Variants in PHACTR3 observed in about 807,000 individuals in gnomAD.
PHACTR3 encodes phosphatase and actin regulator 3.
PHACTR3 carries 16 observed loss-of-function variants against 66.8 expected under a neutral mutation model. The ratio of observed to expected loss-of-function variants is 0.24; its 90% confidence interval spans 0.16 to 0.36. The LOEUF (loss-of-function observed/expected upper bound fraction) is 0.36. PHACTR3 is among the 10% of genes least tolerant of loss of function. PHACTR3 has a pLI of 1.00. For synonymous variants in PHACTR3, 323 were observed against 292.1 expected (o/e 1.11, Z -1.08); for missense variants, 647 against 719.9 (o/e 0.90, Z 1.16).
At chr20:59,693,161 G>T (rs549897762) in intron 1 of PHACTR3, among the ~76,000 whole-genome samples, 1 of 152,250 alleles carries the variant, frequency 6.6e-6, no homozygotes, top group East Asian at 1.9e-4. Context: ...CTGGCTCAGG[G>T]TTGTGTGATA....
chr20:59,815,501 T>C (rs1419274636), intron 8 of PHACTR3, among the ~76,000 whole-genome samples: 4 of 147,370 alleles, frequency 2.7e-5, no homozygotes, highest in African/African-American at 1.0e-4. Flanking sequence ...CTCGGCTCAC[T>C]GTAACCTCTG....
At chr20:59,663,914 C>T (rs955921296) in intron 1 of PHACTR3, among the ~76,000 whole-genome samples, 10 of 152,158 alleles carry the variant, frequency 6.6e-5, no homozygotes, top group Admixed American at 1.3e-4. Context: ...TTATGTATAA[C>T]GATTATATTG....
At chr20:59,723,058 T>C (rs866793677) in intron 1 of PHACTR3, among the ~76,000 whole-genome samples, 8 of 124,988 alleles carry the variant, frequency 6.4e-5, no homozygotes, top group Middle Eastern at 4.3e-3. Context: ...CTTTCTTTCT[T>C]TCTCTTTCTT....
At chr20:59,674,439 T>C (rs1406826762) in intron 1 of PHACTR3, among the ~76,000 whole-genome samples, 9 of 141,368 alleles carry the variant, frequency 6.4e-5, no homozygotes, top group African/African-American at 2.1e-4. Context: ...CCCCTTCTCC[T>C]GTTCCTTCCC....
Position 59,773,460 on chromosome 20 carries a change from C to A in PHACTR3, c.926+7C>A. The A allele has an allele frequency of 4.4e-6, 7 of 1,599,382 alleles. No homozygotes were observed. Among genetic ancestry groups the A allele is most frequent in the Non-Finnish European group, 6.0e-6 (7 of 1,173,974 alleles). ...CGAAGCACCGCCAGGACAGGTGAGG[C>A]CCTGCCCCATGAGGGAGACCTGTGC... On this transcript the variant is annotated splice_region_variant and intron_variant, in intron 6 of 12. Coordinates refer to ENST00000371015, the MANE Select transcript of PHACTR3 (RefSeq NM_080672.5).
intron 8 of PHACTR3, among the ~76,000 whole-genome samples, chr20:59,814,805 A>C (rs1190545394): frequency 6.6e-6 from 1 of 152,092 alleles, no homozygotes; most frequent in Non-Finnish European, 1.5e-5. Flanking sequence ...TTAAAAGCAC[A>C]ATCTGAAGAC....
At chr20:59,816,134 G>A (rs1305035511) in intron 8 of PHACTR3, among the ~76,000 whole-genome samples, 1 of 152,036 alleles carries the variant, frequency 6.6e-6, no homozygotes, top group Non-Finnish European at 1.5e-5. Flanking sequence ...CCCATCTGGA[G>A]GTGATGGGAA....
chr20:59,786,168 C>T (rs1228580426), intron 7 of PHACTR3, among the ~76,000 whole-genome samples: 1 of 152,236 alleles, frequency 6.6e-6, no homozygotes, highest in Non-Finnish European at 1.5e-5. Flanking sequence ...CTGCTCATTC[C>T]CCAGCTTCTG....
chr20:59,738,726 A>T lies in PHACTR3; in HGVS notation c.119-4381A>T, dbSNP rs534612607. On this transcript the variant is annotated intron_variant, in intron 1 of 12. Transcript: ENST00000371015. The surrounding 1 kb of genome is among the most constrained non-coding windows in gnomAD (Gnocchi z 4.4). The stretch of plus-strand genomic sequence containing the variant: ...CCAGATCCTTCCTGACACTCCCTTC[A>T]TCCTTCAGCTGTGTATGTGTGTTTC... Among the ~76,000 whole-genome samples, 3 of 152,180 alleles carry T rather than the reference A, an allele frequency of 2.0e-5. No homozygotes were observed. Among genetic ancestry groups the T allele is most frequent in the Admixed American group, 6.5e-5 (1 of 15,298 alleles).
At chr20:59,800,550 T>C (rs904601979) in intron 7 of PHACTR3, among the ~76,000 whole-genome samples, 1 of 152,212 alleles carries the variant, frequency 6.6e-6, no homozygotes, top group Non-Finnish European at 1.5e-5. Context: ...CTCTATACAG[T>C]GAATACAGAT....
At chr20:59,717,286 T>C (rs2038126726) in intron 1 of PHACTR3, among the ~76,000 whole-genome samples, 1 of 152,232 alleles carries the variant, frequency 6.6e-6, no homozygotes, top group Non-Finnish European at 1.5e-5. Context: ...GAAGTTTTTA[T>C]TGAGATAATT....
chr20:59,710,811 T>C lies in PHACTR3; in HGVS notation c.119-32296T>C, dbSNP rs555378623. The stretch of plus-strand genomic sequence containing the variant: ...GATGTTCCTGCATCATACCTTCCTT[T>C]ATGGGAATGTTCTTTGCCACCTGTC... On this transcript the variant is annotated intron_variant, in intron 1 of 12. Coordinates refer to ENST00000371015, the MANE Select transcript of PHACTR3 (RefSeq NM_080672.5). Among the ~76,000 whole-genome samples, 15 of 152,112 alleles carry C rather than the reference T, an allele frequency of 9.9e-5. No individual in the cohort carries two copies. The South Asian group carries it at 3.1e-3, about 32-fold the overall frequency.
At chr20:59,783,559 T>G (rs1568818049) in intron 7 of PHACTR3, among the ~76,000 whole-genome samples, 2 of 152,196 alleles carry the variant, frequency 1.3e-5, no homozygotes, top group African/African-American at 4.8e-5. Context: ...TTACCGCTTT[T>G]TTTGTTTGTT....
intron 2 of PHACTR3, among the ~76,000 whole-genome samples, chr20:59,745,445 C>T (rs970933598): frequency 2.6e-5 from 4 of 152,010 alleles, no homozygotes; most frequent in South Asian, 2.1e-4. Flanking sequence ...TTGGAGGTCT[C>T]GAGGTTTTTA....
At chr20:59,645,018 G>A (rs1234422527) in intron 1 of PHACTR3, among the ~76,000 whole-genome samples, 3 of 151,804 alleles carry the variant, frequency 2.0e-5, no homozygotes, top group African/African-American at 7.3e-5. Flanking sequence ...CCCCTCCTTC[G>A]CTCCCTCCCT....
intron 4 of PHACTR3, among the ~76,000 whole-genome samples, chr20:59,765,160 G>C (rs1316299506): frequency 6.6e-6 from 1 of 152,116 alleles, no homozygotes; most frequent in African/African-American, 2.4e-5. Context: ...TTGTTATCAG[G>C]GCAAAACTTA....
intron 7 of PHACTR3, among the ~76,000 whole-genome samples, chr20:59,793,455 T>G (rs1186471878): frequency 6.6e-6 from 1 of 152,224 alleles, no homozygotes; most frequent in African/African-American, 2.4e-5. Context: ...TCATCTTCAA[T>G]TTCTTTCAAT....
chr20:59,704,804 A>G (rs944348043), intron 1 of PHACTR3, among the ~76,000 whole-genome samples: 4 of 152,016 alleles, frequency 2.6e-5, no homozygotes, highest in African/African-American at 9.7e-5. Flanking sequence ...GTATGCTACA[A>G]GAAGAATATT....
At chr20:59,658,336 T>G (rs534123670) in intron 1 of PHACTR3, among the ~76,000 whole-genome samples, 2 of 152,176 alleles carry the variant, frequency 1.3e-5, no homozygotes, top group East Asian at 3.9e-4. Context: ...TGCTTTTTTT[T>G]AAATGTATTT....
Sources: gnomAD v4.1 joint callset for allele counts (sites outside exome capture counted in the v4.1 genomes callset) on GRCh38, gnomAD v4.1.1 for gene constraint, Gnocchi (gnomAD v3.1) non-coding constraint, MANE v1.5 for transcripts, NCBI Gene and HGNC (gene_info 2026-07-23, HGNC 2026-07-21) for gene names.